The following PARM1 variants were observed in gnomAD, a reference collection of about 807,000 sequenced individuals.
PARM1 encodes the protein prostate androgen-regulated mucin-like protein 1, also known as WSC4, cell wall integrity and stress response component 4 homolog.
A neutral mutation model predicts 24.6 loss-of-function variants in PARM1; 14 were observed. That is an observed-to-expected ratio of 0.57 (90% confidence interval 0.38 to 0.89). The LOEUF is 0.89. PARM1 is among the 40% of genes least tolerant of loss of function. The pLI is 0.00. For synonymous variants in PARM1, 179 were observed against 156.6 expected (o/e 1.14, Z -1.07); for missense variants, 362 against 380.4 (o/e 0.95, Z 0.40).
chr4:75,031,242 T>C (rs1469534529), intron 2 of PARM1, among the ~76,000 whole-genome samples: 1 of 152,234 alleles, frequency 6.6e-6, no homozygotes, highest in East Asian at 1.9e-4. Flanking sequence ...GGTAACAGAA[T>C]AGTTAATACA....
At chr4:74,964,141 T>C (rs1029156231) in intron 1 of PARM1, among the ~76,000 whole-genome samples, 2 of 152,322 alleles carry the variant, frequency 1.3e-5, no homozygotes, top group Middle Eastern at 3.4e-3. Context: ...GGAGCAGGGA[T>C]GGATAGCTAA....
chr4:74,974,958 G>A (rs113133424), intron 1 of PARM1, among the ~76,000 whole-genome samples: 6,036 of 152,264 alleles, frequency 0.04, 146 homozygotes, highest in Middle Eastern at 0.054. Context: ...CCTGATCTCA[G>A]ACTTCTAGCC....
chr4:74,947,026 G>A (rs1009239539), intron 1 of PARM1, among the ~76,000 whole-genome samples: 2 of 152,274 alleles, frequency 1.3e-5, no homozygotes, highest in South Asian at 2.1e-4. Flanking sequence ...AAATGAAGAA[G>A]GCATGGAAAA....
intron 1 of PARM1, chr4:74,956,391 G>A (rs898124149): frequency 2.0e-5 from 3 of 152,150 alleles, no homozygotes; most frequent in Admixed American, 6.5e-5. Flanking sequence ...GGAACTGTCT[G>A]CAAAATAAAT....
intron 2 of PARM1, among the ~76,000 whole-genome samples, chr4:75,017,752 C>T (rs1723014608): frequency 6.6e-6 from 1 of 152,138 alleles, no homozygotes; most frequent in African/African-American, 2.4e-5. Flanking sequence ...ACCCTGAACC[C>T]CTAGAACAGA....
chr4:75,027,068 A>G (rs867897276), intron 2 of PARM1, among the ~76,000 whole-genome samples: 1 of 151,208 alleles, frequency 6.6e-6, no homozygotes, highest in Non-Finnish European at 1.5e-5. Context: ...TTCATTCCCA[A>G]CTCTTTCCAA....
At chr4:75,015,328 C>T (rs1220304487) in intron 2 of PARM1, among the ~76,000 whole-genome samples, 1 of 152,154 alleles carries the variant, frequency 6.6e-6, no homozygotes, top group Non-Finnish European at 1.5e-5. Context: ...AAATTGGTGG[C>T]AGTTGGCTCA....
At chr4:75,024,713 A>C (rs970926693) in intron 2 of PARM1, among the ~76,000 whole-genome samples, 1 of 151,836 alleles carries the variant, frequency 6.6e-6, no homozygotes, top group Admixed American at 6.6e-5. Context: ...GTTTTCTTTG[A>C]GACTGAATTT....
intron 1 of PARM1, among the ~76,000 whole-genome samples, chr4:75,002,722 G>A (rs1722704530): frequency 6.6e-6 from 1 of 152,130 alleles, no homozygotes; most frequent in African/African-American, 2.4e-5. Context: ...GTGAGGCATA[G>A]AGAAGGGAGA....
intron 2 of PARM1, among the ~76,000 whole-genome samples, chr4:75,027,007 G>A (rs1056098982): frequency 2.0e-5 from 3 of 152,048 alleles, no homozygotes; most frequent in African/African-American, 7.2e-5. Context: ...TTCCTGCCTC[G>A]ATCCTCCTTT....
Position 75,046,324 on chromosome 4 carries a change from T to G in PARM1, c.*77T>G, listed in dbSNP as rs2109819088. On this transcript the variant is annotated 3_prime_UTR_variant, in exon 4 of 4. Coordinates refer to ENST00000307428, the MANE Select transcript of PARM1 (RefSeq NM_015393.4). ...TTATCCAGTAGAATTAATAAGTACC[T>G]GATGCGCATTGAACGACAATCTTAA... is the stretch of plus-strand genomic sequence containing the variant. 2 of 925,138 alleles carry G rather than the reference T, an allele frequency of 2.2e-6. No individual in the cohort carries two copies. The highest frequency in any genetic ancestry group is 4.3e-4 in the Middle Eastern group (2 of 4,626). The allele number at this position is 925,138 out of a possible 1,614,324, so 57.3% of individuals were successfully genotyped here.
rs1159054838 is a variant in PARM1, at chr4:75,047,704, G to C, written c.*1457G>C. ...AGTAGTGCCGAGATTGAGAAACCCT[G>C]ATTTATCACAATGCCCACTGTGACA... On this transcript the variant is annotated 3_prime_UTR_variant, in exon 4 of 4. Transcript: ENST00000307428. The C allele has an allele frequency of 6.6e-6, 1 of 152,188 alleles. No individual in the cohort carries two copies. Among genetic ancestry groups the C allele is most frequent in the Admixed American group, 6.5e-5 (1 of 15,278 alleles). The allele number at this position is 152,188 out of a possible 1,614,324, so 9.4% of individuals were successfully genotyped here.
At chr4:75,024,255 C>CA (rs369591905) in intron 2 of PARM1, among the ~76,000 whole-genome samples, 37,419 of 134,616 alleles carry the variant, frequency 0.28, 4,824 homozygotes, top group East Asian at 0.49. Flanking sequence ...GAGACTCTGT[C>CA]AAAAAAAAAA....
chr4:74,964,946 A>G (rs931526156), intron 1 of PARM1, among the ~76,000 whole-genome samples: 5 of 152,238 alleles, frequency 3.3e-5, no homozygotes, highest in Admixed American at 6.5e-5. Flanking sequence ...ACCAAGAGCT[A>G]GAAAGAGACT....
chr4:74,964,823 A>G (rs1173240665), intron 1 of PARM1, among the ~76,000 whole-genome samples: 1 of 152,176 alleles, frequency 6.6e-6, no homozygotes, highest in African/African-American at 2.4e-5. Context: ...TAGCAACTAA[A>G]CACAATGAAT....
intron 3 of PARM1, 76 bp downstream of exon 3, chr4:75,034,037 ACTTGTT>A: frequency 1.7e-6 from 2 of 1,193,396 alleles, no homozygotes; most frequent in Non-Finnish European, 2.4e-6. Context: ...TTTGCTGGAT[ACTTGTT>A]CCTTAATAGG....
intron 1 of PARM1, among the ~76,000 whole-genome samples, chr4:74,993,380 C>T (rs1722514986): frequency 6.6e-6 from 1 of 152,144 alleles, no homozygotes; most frequent in Non-Finnish European, 1.5e-5. Flanking sequence ...CTAAAGATGA[C>T]TGAAGCCCTG....
intron 1 of PARM1, among the ~76,000 whole-genome samples, chr4:74,950,614 G>A (rs1721503524): frequency 6.6e-6 from 1 of 152,136 alleles, no homozygotes; most frequent in South Asian, 2.1e-4. Flanking sequence ...TCAACTTATA[G>A]CAGTTATATT....
chr4:75,031,527 T>TA (rs58506227), intron 2 of PARM1, among the ~76,000 whole-genome samples: 6,778 of 134,616 alleles, frequency 0.05, 227 homozygotes, highest in African/African-American at 0.1. Context: ...TCACTTACAA[T>TA]AAAAAAAAAA....
Sources: gnomAD v4.1 joint callset for allele counts (sites outside exome capture counted in the v4.1 genomes callset) on GRCh38, gnomAD v4.1.1 for gene constraint, MANE v1.5 for transcripts, NCBI Gene and HGNC (gene_info 2026-07-23, HGNC 2026-07-21) for gene names.